The following PSMB2 variants were observed in gnomAD, a reference collection of about 807,000 sequenced individuals.
PSMB2 encodes the protein proteasome subunit beta type-2.
PSMB2 carries 13 observed loss-of-function variants against 25.7 expected under a neutral mutation model. That is an observed-to-expected ratio of 0.51 (90% CI 0.33 to 0.80). PSMB2 has a LOEUF of 0.80. PSMB2 is among the 30% of genes least tolerant of loss of function. The pLI, the probability that PSMB2 is intolerant of heterozygous loss-of-function variation, is 0.02. For synonymous variants in PSMB2, 87 were observed against 96.2 expected, an observed-to-expected ratio of 0.90 and a Z score of 0.56; for missense variants, 202 against 259.0, an observed-to-expected ratio of 0.78 and a Z score of 1.51.
At chr1:35,637,898 T>C (rs1429603019) in intron 1 of PSMB2, among the ~76,000 whole-genome samples, 3 of 152,238 alleles carry the variant, frequency 2.0e-5, no homozygotes, top group Non-Finnish European at 4.4e-5. Flanking sequence ...CAGAAGGGTA[T>C]ATTCTAAGTG....
intron 3 of PSMB2, among the ~76,000 whole-genome samples, chr1:35,616,130 GAA>G (rs1473949964): frequency 2.0e-5 from 3 of 152,124 alleles, no homozygotes; most frequent in Non-Finnish European, 4.4e-5. Context: ...CTTCAAAGAG[GAA>G]ACAGTAACTT....
intron 3 of PSMB2, among the ~76,000 whole-genome samples, chr1:35,619,800 A>C (rs926502887): frequency 6.6e-6 from 1 of 152,234 alleles, no homozygotes; most frequent in Non-Finnish European, 1.5e-5. Context: ...CATGGCACAG[A>C]TGCCTTATTA....
At chr1:35,612,771 G>T (rs530853193) in intron 3 of PSMB2, among the ~76,000 whole-genome samples, 69 of 152,236 alleles carry the variant, frequency 4.5e-4, no homozygotes, top group Non-Finnish European at 7.9e-4. Context: ...TGTATACTTA[G>T]CCAAGACAAT....
chr1:35,605,636 G>A (rs1327558744), intron 4 of PSMB2, among the ~76,000 whole-genome samples: 1 of 152,216 alleles, frequency 6.6e-6, no homozygotes, highest in African/African-American at 2.4e-5. Flanking sequence ...TCCAGGGTTT[G>A]AATCAATTCC....
chr1:35,602,305 C>T lies in PSMB2; in HGVS notation c.*962G>A, dbSNP rs1557444462. On this transcript the variant is annotated 3_prime_UTR_variant, in exon 6 of 6. Coordinates refer to ENST00000373237, the MANE Select transcript of PSMB2 (RefSeq NM_002794.5). ...CAAGATTACGCCACAGCACTCCAGCCTGGGCTAGAGTGAGACCCTGTCTCT... is the reference window on the plus strand; with the variant it reads ...CAAGATTACGCCACAGCACTCCAGCTTGGGCTAGAGTGAGACCCTGTCTCT... 1.3e-5 allele frequency: 2 copies of T among 152,092 alleles called. No individual in the cohort carries two copies. The highest frequency in any genetic ancestry group is 2.9e-5 in the Non-Finnish European group (2 of 68,034). The allele number at this position is 152,092 out of a possible 1,614,324, so 9.4% of individuals were successfully genotyped here. A position where few individuals can be genotyped will look rare whatever the true frequency, so the allele number is the denominator to read the frequency against.
Position 35,636,293 on chromosome 1 carries a change from C to G in PSMB2, c.214+17G>C. On this transcript the variant is annotated intron_variant, in intron 2 of 5. Transcript: ENST00000373237. ...TAGTAAACTCATATGCCAACTAAAA[C>G]TGTAAGTCTTACCCACCATTTCGCA... The G allele has an allele frequency of 1.2e-6, 2 of 1,613,826 alleles. No individual in the cohort carries two copies. The highest frequency in any genetic ancestry group is 1.7e-6 in the Non-Finnish European group (2 of 1,179,860).
chr1:35,632,235 A>C (rs1651127807), intron 2 of PSMB2, among the ~76,000 whole-genome samples: 1 of 152,248 alleles, frequency 6.6e-6, no homozygotes, highest in African/African-American at 2.4e-5. Context: ...AACTTCAAAA[A>C]TAAAAGTTGT....
chr1:35,618,881 C>T (rs1420463267), intron 3 of PSMB2, among the ~76,000 whole-genome samples: 1 of 152,156 alleles, frequency 6.6e-6, no homozygotes, highest in African/African-American at 2.4e-5. Context: ...CTTTCCTGTT[C>T]CAAATGCATT....
Position 35,605,300 on chromosome 1 carries a change from G to A in PSMB2, c.449-18C>T. 1 of 1,609,802 alleles carries A rather than the reference G, an allele frequency of 6.2e-7. No individual in the cohort carries two copies. The highest frequency in any genetic ancestry group is 8.5e-7 in the Non-Finnish European group (1 of 1,177,362). ...TGAGATAGCTGAAAGAGAACACAGA[G>A]ACCAAATACTTCCGGTGCTGTCATT... On this transcript the variant is annotated intron_variant, in intron 4 of 5. Transcript: ENST00000373237.
intron 1 of PSMB2, among the ~76,000 whole-genome samples, chr1:35,638,735 G>A (rs901413271): frequency 5.3e-5 from 8 of 152,024 alleles, no homozygotes; most frequent in Non-Finnish European, 8.8e-5. Flanking sequence ...CATGAAATGC[G>A]GCATATAAGC....
intron 4 of PSMB2, among the ~76,000 whole-genome samples, chr1:35,605,689 G>A (rs3767700): frequency 0.02 from 3,088 of 152,284 alleles, 92 homozygotes; most frequent in East Asian, 0.061. Flanking sequence ...AGACGATGGG[G>A]TCAGAATTTC....
chr1:35,615,725 C>G (rs910828778), intron 3 of PSMB2, among the ~76,000 whole-genome samples: 15 of 152,184 alleles, frequency 9.9e-5, no homozygotes, highest in Non-Finnish European at 2.9e-5. Flanking sequence ...CCAGGCCAGC[C>G]TTTGCCACCT....
chr1:35,604,027 TA>T (rs113950978), intron 5 of PSMB2, among the ~76,000 whole-genome samples: 291 of 80,522 alleles, frequency 3.6e-3, no homozygotes, highest in East Asian at 5.8e-3. Flanking sequence ...ATCCATCTCT[TA>T]AAAAAAAAAA....
At chr1:35,622,150 T>C (rs1196537239) in intron 3 of PSMB2, among the ~76,000 whole-genome samples, 1 of 152,180 alleles carries the variant, frequency 6.6e-6, no homozygotes, top group Non-Finnish European at 1.5e-5. Context: ...GTAACTGTTT[T>C]TTGGGAGAGA....
At chr1:35,636,548 T>C in intron 1 of PSMB2, 116 bp from the exon 2 acceptor site, 2 of 1,191,794 alleles carry the variant, frequency 1.7e-6, no homozygotes, top group Non-Finnish European at 2.3e-6. Flanking sequence ...TATACATGGA[T>C]TCTGAATCCA....
In PSMB2 at chr1:35,604,108, T is replaced by C. The variant is rs1650089900; in HGVS notation, c.499-734A>G. Among the ~76,000 whole-genome samples, 2 of 151,800 alleles carry C rather than the reference T, an allele frequency of 1.3e-5. 1 individual carries two copies. Among genetic ancestry groups the C allele is most frequent in the Admixed American group, 1.3e-4 (2 of 15,248 alleles). On this transcript the variant is annotated intron_variant, in intron 5 of 5. Coordinates refer to ENST00000373237, the MANE Select transcript of PSMB2 (RefSeq NM_002794.5). ...GGTTTGTGTAAGAAGCAAACTGACA[T>C]TACTCCCAACGCTCCTGCTCTTATC...
chr1:35,635,407 G>A (rs543032077), intron 2 of PSMB2, among the ~76,000 whole-genome samples: 4 of 152,066 alleles, frequency 2.6e-5, no homozygotes, highest in East Asian at 1.9e-4. Flanking sequence ...ATACCAGGCC[G>A]ATGGTGTTAG....
intron 3 of PSMB2, among the ~76,000 whole-genome samples, chr1:35,611,773 G>A (rs759204735): frequency 6.6e-6 from 1 of 151,944 alleles, no homozygotes; most frequent in Non-Finnish European, 1.5e-5. Flanking sequence ...GCAGTGAGCC[G>A]AGATAGTGCT....
At chr1:35,637,832 A>G (rs577222739) in intron 1 of PSMB2, among the ~76,000 whole-genome samples, 1 of 152,310 alleles carries the variant, frequency 6.6e-6, no homozygotes, top group African/African-American at 2.4e-5. Context: ...TTAGTTTGCA[A>G]ACTTGTTAAT....
Sources: allele counts gnomAD v4.1 joint callset (sites outside exome capture counted in the v4.1 genomes callset), GRCh38; gene constraint gnomAD v4.1.1; transcripts MANE v1.5; gene names NCBI Gene and HGNC (gene_info 2026-07-23, HGNC 2026-07-21).